INPP4B: variants seen among roughly 807,000 people sequenced by gnomAD.
INPP4B encodes the protein inositol polyphosphate 4-phosphatase type II.
Under a neutral mutation model 122.5 loss-of-function variants are expected in INPP4B, and 55 were observed. That is an observed-to-expected ratio of 0.45 (90% CI 0.36 to 0.56). The LOEUF is 0.56. Ranked by LOEUF, INPP4B falls within the 20% of genes least tolerant of loss-of-function variation. The pLI, the probability that INPP4B is intolerant of heterozygous loss-of-function variation, is 0.00. For missense variants in INPP4B, 1,000 were observed against 1,097.7 expected (o/e 0.91, Z 1.26); for synonymous variants, 403 against 388.7 (o/e 1.04, Z -0.43).
At chr4:142,215,282 A>C (rs113889071) in intron 12 of INPP4B, among the ~76,000 whole-genome samples, 12 of 152,324 alleles carry the variant, frequency 7.9e-5, no homozygotes, top group Non-Finnish European at 1.8e-4. Flanking sequence ...TCTACTGCAC[A>C]ACAAAGAAAC....
At chr4:142,798,907 GAAC>G (rs1777636279) in intron 1 of INPP4B, among the ~76,000 whole-genome samples, 1 of 151,298 alleles carries the variant, frequency 6.6e-6, no homozygotes, top group African/African-American at 2.4e-5. Context: ...ACTAATAGGA[GAAC>G]AAAAACCGGA....
chr4:142,048,002 G>A (rs1560934664), intron 25 of INPP4B, among the ~76,000 whole-genome samples: 1 of 152,042 alleles, frequency 6.6e-6, no homozygotes, highest in South Asian at 2.1e-4. Flanking sequence ...AATCATAAAA[G>A]TTCCTATGTA....
chr4:142,603,421 A>C (rs946650076), intron 2 of INPP4B, among the ~76,000 whole-genome samples: 1 of 152,126 alleles, frequency 6.6e-6, no homozygotes, highest in African/African-American at 2.4e-5. Flanking sequence ...ACTAAGGATC[A>C]ACAAAACTAA....
At chr4:142,710,445 G>A (rs1226808430) in intron 2 of INPP4B, among the ~76,000 whole-genome samples, 1 of 152,102 alleles carries the variant, frequency 6.6e-6, no homozygotes, top group Non-Finnish European at 1.5e-5. Context: ...TGCTACATAT[G>A]ATCATGTTTT....
chr4:142,776,558 G>T (rs1014513216), intron 1 of INPP4B, among the ~76,000 whole-genome samples: 9 of 152,258 alleles, frequency 5.9e-5, no homozygotes, highest in Admixed American at 3.3e-4. Flanking sequence ...GAATATTCCA[G>T]ATATATGCAA....
At chr4:142,612,450 A>C (rs1436869156) in intron 2 of INPP4B, among the ~76,000 whole-genome samples, 2 of 152,206 alleles carry the variant, frequency 1.3e-5, no homozygotes, top group African/African-American at 4.8e-5. Context: ...AACATGCCAT[A>C]GACTAAGTAG....
chr4:142,032,376 T>G (rs1740822602), intron 25 of INPP4B, among the ~76,000 whole-genome samples: 1 of 151,886 alleles, frequency 6.6e-6, no homozygotes, highest in Non-Finnish European at 1.5e-5. Context: ...CATTACAGAA[T>G]CCAAATAGAG....
intron 7 of INPP4B, among the ~76,000 whole-genome samples, chr4:142,388,127 C>T (rs184921786): frequency 2.0e-5 from 3 of 152,326 alleles, no homozygotes; most frequent in Admixed American, 2.0e-4. Context: ...AAACTGCTTA[C>T]CACCACTTTG....
At position 142,377,994 on chromosome 4, in the gene INPP4B, A is replaced by T. The variant is rs541100837; in HGVS notation, c.372+24944T>A. 7.9e-5 allele frequency among the ~76,000 whole-genome samples: 12 copies of T among 152,270 alleles called. No homozygotes were observed. In the East Asian group the frequency reaches 2.3e-3, roughly 29 times the overall value. On this transcript the variant is annotated intron_variant, in intron 7 of 25. Coordinates refer to ENST00000262992, the MANE Select transcript of INPP4B (RefSeq NM_001101669.3). ...TCTTATCTTGGAAATACACAGTGTC[A>T]CTAGGAAAGAATCCCTGAGTTGAAG...
chr4:142,157,348 C>A (rs1038748570), intron 17 of INPP4B, among the ~76,000 whole-genome samples: 3 of 152,070 alleles, frequency 2.0e-5, no homozygotes, highest in Non-Finnish European at 1.5e-5. Context: ...AAAGCGGTTG[C>A]TAAGGAAAAT....
chr4:142,750,706 A>G (rs1296000719), intron 1 of INPP4B, among the ~76,000 whole-genome samples: 1 of 152,230 alleles, frequency 6.6e-6, no homozygotes, highest in East Asian at 1.9e-4. Context: ...TGAGGGGTCC[A>G]ATTACAAGGG....
At chr4:142,835,762 C>T (rs1782700204) in intron 1 of INPP4B, among the ~76,000 whole-genome samples, 1 of 152,140 alleles carries the variant, frequency 6.6e-6, no homozygotes, top group African/African-American at 2.4e-5. Context: ...ATTATTCGTA[C>T]TCATTCTTTA....
At chr4:142,803,023 A>T (rs563134087) in intron 1 of INPP4B, among the ~76,000 whole-genome samples, 9 of 151,910 alleles carry the variant, frequency 5.9e-5, no homozygotes, top group Non-Finnish European at 1.3e-4. Context: ...TACAAAAATT[A>T]GCCAGGCATG....
chr4:142,390,532 T>A (rs372210116), intron 7 of INPP4B, among the ~76,000 whole-genome samples: 3 of 152,308 alleles, frequency 2.0e-5, no homozygotes, highest in African/African-American at 7.2e-5. Flanking sequence ...TTCTGACTTA[T>A]AACTTTGAGA....
chr4:142,622,301 T>C (rs1745128339), intron 2 of INPP4B, among the ~76,000 whole-genome samples: 1 of 151,572 alleles, frequency 6.6e-6, no homozygotes, highest in Admixed American at 6.6e-5. Context: ...ATAATGCCGA[T>C]GTGAATCAAC....
intron 2 of INPP4B, among the ~76,000 whole-genome samples, chr4:142,604,525 A>G (rs1193726304): frequency 6.6e-6 from 1 of 152,182 alleles, no homozygotes; most frequent in Non-Finnish European, 1.5e-5. Context: ...AATTCTGTAA[A>G]GTTGCAGGAT....
rs138430076 is a variant in INPP4B, at chr4:142,824,409, T to C, written c.-254+21800A>G. On this transcript the variant is annotated intron_variant, in intron 1 of 25. Transcript: ENST00000262992. ...TAGTCCTCTAGGCTCTTTTCCACCT[T>C]GTCATCCTCTAAATCATCGTGGCTC... Among the ~76,000 whole-genome samples the C allele has an allele frequency of 5.3e-5, 8 of 152,200 alleles. No individual in the cohort carries two copies. In the East Asian group the frequency reaches 1.5e-3, roughly 29 times the overall value.
intron 5 of INPP4B, chr4:142,423,952 G>A: frequency 3.1e-6 from 1 of 318,624 alleles, no homozygotes; most frequent in Non-Finnish European, 6.1e-6. Flanking sequence ...CAAGATGGCG[G>A]GCCTTTCTAT....
At chr4:142,603,903 AACACACAC>A (rs3078719) in intron 2 of INPP4B, among the ~76,000 whole-genome samples, 1 of 149,028 alleles carries the variant, frequency 6.7e-6, no homozygotes, top group Non-Finnish European at 1.5e-5. Flanking sequence ...ACCAGACAAG[AACACACAC>A]ACACACACAC....
Sources: allele counts gnomAD v4.1 joint callset (sites outside exome capture counted in the v4.1 genomes callset), GRCh38; gene constraint gnomAD v4.1.1; transcripts MANE v1.5; gene names NCBI Gene and HGNC (gene_info 2026-07-23, HGNC 2026-07-21).